The following NTRK3 variants were observed in gnomAD, a reference collection of about 807,000 sequenced individuals.
NTRK3 encodes the protein neurotrophic receptor tyrosine kinase 3.
A neutral mutation model predicts 91.7 loss-of-function variants in NTRK3; 24 were observed. That is an observed-to-expected ratio of 0.26 (90% CI 0.19 to 0.37). The LOEUF (loss-of-function observed/expected upper bound fraction) is 0.37, where lower values mean the gene tolerates loss of function less well. NTRK3 is among the 10% of genes least tolerant of loss of function. The pLI is 1.00. For missense variants in NTRK3, 880 were observed against 1,068.9 expected (o/e 0.82, Z 2.46); for synonymous variants, 483 against 404.0 (o/e 1.20, Z -2.34).
intron 17 of NTRK3, among the ~76,000 whole-genome samples, chr15:87,918,861 C>G (rs2067646664): frequency 6.6e-6 from 1 of 152,150 alleles, no homozygotes; most frequent in Non-Finnish European, 1.5e-5. Context: ...TCTAATTTAA[C>G]CTCATGAGAG....
chr15:88,081,367 G>C lies in NTRK3; in HGVS notation c.1396+44904C>G, dbSNP rs76149979. 4.6e-3 allele frequency among the ~76,000 whole-genome samples: 704 copies of C among 152,272 alleles called. 4 individuals are homozygous for C. Among genetic ancestry groups the C allele is most frequent in the African/African-American group, 0.017 (686 of 41,558 alleles). ...GCGCCCCTGCCACCACTCCCATCCA[G>C]GCCTCAGAACTATGCAAACTGCCGT... On this transcript the variant is annotated intron_variant, in intron 13 of 18. Transcript: ENST00000394480.
At chr15:88,247,350 C>A (rs182741347) in intron 3 of NTRK3, among the ~76,000 whole-genome samples, 18 of 152,322 alleles carry the variant, frequency 1.2e-4, no homozygotes, top group Non-Finnish European at 1.5e-5. Context: ...CTGCCTTGTG[C>A]CAGGAACTCA....
At chr15:88,046,707 C>T (rs989861420) in intron 13 of NTRK3, among the ~76,000 whole-genome samples, 1 of 152,188 alleles carries the variant, frequency 6.6e-6, no homozygotes, top group Non-Finnish European at 1.5e-5. Context: ...GCTGCTGTCT[C>T]TTCTCCCCAC....
intron 14 of NTRK3, among the ~76,000 whole-genome samples, chr15:88,009,765 A>T (rs2076743451): frequency 6.6e-6 from 1 of 152,188 alleles, no homozygotes; most frequent in Non-Finnish European, 1.5e-5. Flanking sequence ...TTGAAACTCA[A>T]ATCCAGACTT....
chr15:88,107,622 A>G lies in NTRK3; in HGVS notation c.1396+18649T>C, dbSNP rs557600692. On this transcript the variant is annotated intron_variant, in intron 13 of 18. Transcript: ENST00000394480. Reference sequence around the variant, plus strand: ...TGTTCTGAAAGCCCTCCCTGGCCCAATTGTGGCCCATTCCTGGTCTCTCAA... The same window carrying G: ...TGTTCTGAAAGCCCTCCCTGGCCCAGTTGTGGCCCATTCCTGGTCTCTCAA... 4.6e-5 allele frequency among the ~76,000 whole-genome samples: 7 copies of G among 152,102 alleles called. No individual in the cohort carries two copies. The South Asian group carries it at 1.0e-3, about 23-fold the overall frequency.
At chr15:87,935,249 C>G (rs1018721409) in intron 15 of NTRK3, among the ~76,000 whole-genome samples, 1 of 152,134 alleles carries the variant, frequency 6.6e-6, no homozygotes, top group African/African-American at 2.4e-5. Flanking sequence ...TGGCTGCCAA[C>G]AGAGTGGCTG....
intron 6 of NTRK3, among the ~76,000 whole-genome samples, chr15:88,137,969 T>G (rs929710693): frequency 6.6e-6 from 1 of 151,736 alleles, no homozygotes; most frequent in African/African-American, 2.4e-5. Context: ...GAGAATCGCT[T>G]GAACCCAGGA....
chr15:87,902,030 A>C (rs1012396785), intron 17 of NTRK3, among the ~76,000 whole-genome samples: 2 of 152,242 alleles, frequency 1.3e-5, no homozygotes, highest in Admixed American at 6.5e-5. Flanking sequence ...AAATCCTATA[A>C]ATGTGATTTA....
intron 13 of NTRK3, among the ~76,000 whole-genome samples, chr15:88,061,734 G>A (rs2046237745): frequency 6.6e-6 from 1 of 152,218 alleles, no homozygotes; most frequent in Non-Finnish European, 1.5e-5. Context: ...AGGGCCCGGA[G>A]GCTCCGTTCT....
chr15:88,125,053 C>T (rs1014485691), intron 13 of NTRK3, among the ~76,000 whole-genome samples: 12 of 152,172 alleles, frequency 7.9e-5, no homozygotes, highest in Non-Finnish European at 8.8e-5. Context: ...GATGACAGCT[C>T]ACTGCAGCCT....
At chr15:87,874,174 C>T (rs1485138420) in exon 19 of NTRK3, 2 of 82,688 alleles carry the variant, frequency 2.4e-5, no homozygotes, top group East Asian at 3.4e-4. Context: ...ATTTCCATGG[C>T]CCTATTTTCT....
At position 88,008,131 on chromosome 15, in the gene NTRK3, CAGA is replaced by C. The variant is rs756515683; in HGVS notation, c.1585+24723_1585+24725del. On this transcript the variant is annotated intron_variant, in intron 14 of 18. Coordinates refer to ENST00000394480, the Ensembl canonical transcript of NTRK3. ...AAAATTAATTTGGGTTGGATCTCTC[CAGA>C]AGAAGAAAAAGAGCAGAATCCTAAA... 1.3e-3 allele frequency among the ~76,000 whole-genome samples: 197 copies of C among 152,142 alleles called. 1 individual carries two copies. Among genetic ancestry groups the C allele is most frequent in the Non-Finnish European group, 2.3e-3 (153 of 67,988 alleles).
chr15:88,126,762 A>G (rs1053221430), intron 12 of NTRK3, among the ~76,000 whole-genome samples: 1 of 152,202 alleles, frequency 6.6e-6, no homozygotes, highest in Non-Finnish European at 1.5e-5. Context: ...TCTGGATTCT[A>G]AAAAGAATCC....
chr15:88,208,919 C>T (rs1445752170), intron 3 of NTRK3, among the ~76,000 whole-genome samples: 3 of 151,502 alleles, frequency 2.0e-5, no homozygotes, highest in South Asian at 2.1e-4. Flanking sequence ...TTCAACAAAA[C>T]GATGTCATTG....
At position 87,940,765 on chromosome 15, in the gene NTRK3, G is replaced by C. The variant is rs746072042; in HGVS notation, c.1586-12C>G. ...AATGTGCTGCACATCTGTAGGATGG[G>C]GACAAAGAGGAGGGCAGCAAATCAG... On this transcript the variant is annotated splice_polypyrimidine_tract_variant and intron_variant, in intron 14 of 18. Coordinates refer to ENST00000394480, the Ensembl canonical transcript of NTRK3. 1 of 1,614,116 alleles carries C rather than the reference G, an allele frequency of 6.2e-7. No individual in the cohort carries two copies. Among genetic ancestry groups the C allele is most frequent in the Non-Finnish European group, 8.5e-7 (1 of 1,180,004 alleles).
Position 88,069,862 on chromosome 15 carries a change from G to A in NTRK3, c.1397-36817C>T, listed in dbSNP as rs565403700. On this transcript the variant is annotated intron_variant, in intron 13 of 18. Transcript: ENST00000394480. The stretch of plus-strand genomic sequence containing the variant: ...GAAAAGGCCAGGGATCTCAGGCCCC[G>A]AACAGCCCAGAAATACAAGGTGCCT... Among the ~76,000 whole-genome samples, 95 of 152,138 alleles carry A rather than the reference G, an allele frequency of 6.2e-4. 1 individual carries two copies. The highest frequency in any genetic ancestry group is 4.8e-3 in the Admixed American group (74 of 15,284).
At chr15:87,906,731 C>T (rs1424444732) in intron 17 of NTRK3, among the ~76,000 whole-genome samples, 1 of 152,116 alleles carries the variant, frequency 6.6e-6, no homozygotes, top group Non-Finnish European at 1.5e-5. Flanking sequence ...TTTGACGTCC[C>T]TACCTAAACT....
At chr15:88,036,112 T>C (rs1385110481) in intron 13 of NTRK3, among the ~76,000 whole-genome samples, 1 of 152,170 alleles carries the variant, frequency 6.6e-6, no homozygotes, top group Non-Finnish European at 1.5e-5. Context: ...GAAAAACTTT[T>C]GGAAATTTCA....
intron 5 of NTRK3, among the ~76,000 whole-genome samples, chr15:88,171,503 GAGCT>G (rs1395628958): frequency 6.6e-6 from 1 of 152,110 alleles, no homozygotes; most frequent in Non-Finnish European, 1.5e-5. Context: ...CAGGGGCTTC[GAGCT>G]TGGGCTTCTG....
Sources: gnomAD v4.1 joint callset for allele counts (sites outside exome capture counted in the v4.1 genomes callset) on GRCh38, gnomAD v4.1.1 for gene constraint, MANE v1.5 for transcripts, NCBI Gene and HGNC (gene_info 2026-07-23, HGNC 2026-07-21) for gene names.